The following PCDHA1 variants were observed in gnomAD, a reference collection of about 807,000 sequenced individuals.
PCDHA1 encodes protocadherin alpha-1.
A neutral mutation model predicts 61.3 loss-of-function variants in PCDHA1; 42 were observed. The observed-to-expected ratio is 0.69, with a 90% CI of 0.54 to 0.89. The LOEUF (loss-of-function observed/expected upper bound fraction) is 0.89. Ranked by LOEUF, PCDHA1 falls within the 40% of genes least tolerant of loss-of-function variation. The pLI, the probability that PCDHA1 is intolerant of heterozygous loss-of-function variation, is 0.00. For missense variants in PCDHA1, 1,256 were observed against 1,235.3 expected (o/e 1.02, Z -0.25); for synonymous variants, 610 against 553.8 (o/e 1.10, Z -1.43).
rs1377617778 is a variant in PCDHA1 at position 140,801,248 on chromosome 5, T to A, written c.2394+12564T>A. The A allele has an allele frequency of 5.0e-6, 8 of 1,613,458 alleles. No individual in the cohort carries two copies. The African/African-American group carries it at 1.1e-4, about 22-fold the overall frequency. On this transcript the variant is annotated intron_variant, in intron 1 of 3. Transcript: ENST00000504120. ...CTGGAGCCCAGTGCCTGCTGCTTTC[T>A]CTTCTGCTCCTCGCAGCCTCGGAGG...
At position 141,009,867 on chromosome 5, in the gene PCDHA1, A is replaced by C. The variant is rs374660085; in HGVS notation, c.2783A>C (p.Lys928Thr). 4.3e-6 allele frequency: 7 copies of C among 1,613,976 alleles called. No individual in the cohort carries two copies. The African/African-American group carries it at 9.3e-5, about 22-fold the overall frequency. ...GAGGAGACCAAGAAAAAGAAGAAAA[A>C]GAAGAAGGGTAACAAGACCCAGGAG... Reference protein sequence around the residue: ...KKEETKKKKKKKKGNKTQEKK... With the variant: ...KKEETKKKKKTKKGNKTQEKK... Residue 928 changes from lysine (K) to threonine (T), a missense_variant, in exon 4 of 4, where the codon AAG becomes ACG. Coordinates refer to ENST00000504120, the MANE Select transcript of PCDHA1 (RefSeq NM_018900.4).
chr5:140,906,193 AAGTTGACACTC>A (rs1337204998), intron 1 of PCDHA1, among the ~76,000 whole-genome samples: 4 of 152,140 alleles, frequency 2.6e-5, no homozygotes, highest in African/African-American at 9.7e-5. Context: ...CAATCCAATC[AAGTTGACACTC>A]AGTATTAACC....
At chr5:140,824,414 T>C (rs1768113861) in intron 1 of PCDHA1, 3 of 519,586 alleles carry the variant, frequency 5.8e-6, no homozygotes, top group Admixed American at 7.5e-5. Flanking sequence ...AAGACATAGT[T>C]TGGAGTCATT....
chr5:140,833,369 AT>A (rs1397488143), intron 1 of PCDHA1, among the ~76,000 whole-genome samples: 1 of 152,192 alleles, frequency 6.6e-6, no homozygotes, highest in Non-Finnish European at 1.5e-5. Context: ...AGTAAGGTAG[AT>A]CCAAAAAGGA....
At chr5:140,870,930 A>C (rs373236202) in intron 1 of PCDHA1, 10 of 1,613,732 alleles carry the variant, frequency 6.2e-6, no homozygotes, top group Non-Finnish European at 8.5e-6. Flanking sequence ...TTTCATATGA[A>C]TTGCAGCCGG....
chr5:140,895,515 G>A (rs2065042106), intron 1 of PCDHA1, among the ~76,000 whole-genome samples: 1 of 151,948 alleles, frequency 6.6e-6, no homozygotes, highest in Non-Finnish European at 1.5e-5. Flanking sequence ...ATTTTTAATT[G>A]GTTTATTCGT....
In PCDHA1 at chr5:140,786,398, G is replaced by A. The variant is rs200084118; in HGVS notation, c.108G>A (p.Pro36=). ...GCGGCCAGCTCCACTACTCGATCCC[G>A]GAGGAAGCCAAACACGGCACCTTCG... ...VGSGQLHYSI[P]EEAKHGTFVG... The change falls in exon 1 of 4, where the codon CCG becomes CCA. Residue 36 remains proline (P), a synonymous_variant. Transcript: ENST00000504120. The A allele has an allele frequency of 2.4e-4, 394 of 1,613,462 alleles. 1 individual carries two copies. Among genetic ancestry groups the A allele is most frequent in the Non-Finnish European group, 3.2e-4 (374 of 1,180,046 alleles).
intron 1 of PCDHA1, chr5:140,967,285 G>A (rs150694611): frequency 1.9e-6 from 3 of 1,613,058 alleles, no homozygotes; most frequent in East Asian, 2.2e-5. Context: ...AGAGTGCGCA[G>A]GACCCCGACG....
chr5:140,850,116 G>A, intron 1 of PCDHA1: 1 of 1,596,102 alleles, frequency 6.3e-7, no homozygotes, highest in Non-Finnish European at 8.6e-7. Context: ...GCGCGACGCG[G>A]GCGTGCCGCC....
At chr5:140,900,956 C>G (rs2068392622) in intron 1 of PCDHA1, among the ~76,000 whole-genome samples, 1 of 152,160 alleles carries the variant, frequency 6.6e-6, no homozygotes, top group African/African-American at 2.4e-5. Flanking sequence ...CTCTGATTAT[C>G]AGTGATGTTG....
intron 1 of PCDHA1, among the ~76,000 whole-genome samples, chr5:140,971,815 A>G (rs988959952): frequency 3.2e-4 from 49 of 152,166 alleles, no homozygotes; most frequent in African/African-American, 1.1e-3. Flanking sequence ...TATTGAATAC[A>G]TATATGATTT....
In PCDHA1 at chr5:140,835,864, T is replaced by C. The variant is rs2150246825; in HGVS notation, c.2394+47180T>C. 15 of 1,611,970 alleles carry C rather than the reference T, an allele frequency of 9.3e-6. No homozygotes were observed. The highest frequency in any genetic ancestry group is 1.2e-5 in the Non-Finnish European group (14 of 1,179,634). ...AAGAACGCGCTGGTGTCCTACTCGC[T>C]GGTGGAGCTGCGGGTGGGCGAGCGC... On this transcript the variant is annotated intron_variant, in intron 1 of 3. Transcript: ENST00000504120.
intron 3 of PCDHA1, among the ~76,000 whole-genome samples, chr5:141,000,764 A>G (rs1371396511): frequency 2.0e-5 from 3 of 151,808 alleles, no homozygotes; most frequent in Non-Finnish European, 4.4e-5. Context: ...AATCTTAGCC[A>G]GGCATAGTGG....
chr5:140,869,758 A>AAACC, intron 1 of PCDHA1: 1 of 1,613,288 alleles, frequency 6.2e-7, no homozygotes, highest in Non-Finnish European at 8.5e-7. Context: ...AGACGGGGGA[A>AAACC]AACCAGAGCT....
intron 1 of PCDHA1, chr5:140,808,501 G>A (rs781840544): frequency 1.1e-5 from 18 of 1,614,178 alleles, no homozygotes; most frequent in Middle Eastern, 1.7e-4. Context: ...TGTGGGCCAC[G>A]GCCAGTGTTT....
In PCDHA1 at chr5:140,848,069, G is replaced by A. The variant is rs116084528; in HGVS notation, c.2394+59385G>A. 759 of 162,530 alleles carry A rather than the reference G, an allele frequency of 4.7e-3. 42 individuals are homozygous for A. The highest frequency in any genetic ancestry group is 0.017 in the African/African-American group (710 of 41,160). 10.1% of individuals were successfully genotyped at this position (162,530 alleles called of 1,614,324 possible). A position where few individuals can be genotyped will look rare whatever the true frequency, so the allele number is the denominator to read the frequency against. ...TTTTAATTGTTACTTCATTTCTGTC[G>A]TTATTTAAAACTTAAGTGGAGAGTT... On this transcript the variant is annotated intron_variant, in intron 1 of 3. Transcript: ENST00000504120.
At position 140,788,486 on chromosome 5, in the gene PCDHA1, T is replaced by C; in HGVS notation, c.2196T>C (p.Tyr732=). ...RCSVPPTEGA[Y]VPGKPTLVCS... ...CAGTGCCGCCCACTGAGGGTGCGTA[T>C]GTGCCGGGCAAGCCCACTCTGGTGT... The change falls in exon 1 of 4, where the codon TAT becomes TAC. Residue 732 remains tyrosine, a synonymous_variant. Transcript: ENST00000504120. 2.5e-6 allele frequency: 4 copies of C among 1,614,100 alleles called. No individual in the cohort carries two copies. The highest frequency in any genetic ancestry group is 3.4e-6 in the Non-Finnish European group (4 of 1,179,996).
rs2042521817 is a variant in PCDHA1, at chr5:140,852,899, GTC to G, written c.2394+64216_2394+64217del. 441 of 840,720 alleles carry G rather than the reference GTC, an allele frequency of 5.2e-4. 11 individuals are homozygous for G. In the South Asian group the frequency reaches 0.021, roughly 39 times the overall value. The allele number at this position is 840,720 out of a possible 1,614,324, so 52.1% of individuals were successfully genotyped here. A position where few individuals can be genotyped will look rare whatever the true frequency, so the allele number is the denominator to read the frequency against. On this transcript the variant is annotated intron_variant, in intron 1 of 3. Coordinates refer to ENST00000504120, the MANE Select transcript of PCDHA1 (RefSeq NM_018900.4). ...TCATAAAACGTATTTTTTTTTTTGAGTCAGAGTCTCGCTCTGTTGCCCAGGCT... is the reference window on the plus strand; with the variant it reads ...TCATAAAACGTATTTTTTTTTTTGAGAGAGTCTCGCTCTGTTGCCCAGGCT...
intron 1 of PCDHA1, among the ~76,000 whole-genome samples, chr5:140,895,233 A>G (rs2064923914): frequency 3.3e-5 from 5 of 152,070 alleles, no homozygotes; most frequent in Admixed American, 2.6e-4. Context: ...GAGTTTTCTC[A>G]TCTCTCTTTT....
Sources: gnomAD v4.1 joint callset for allele counts (sites outside exome capture counted in the v4.1 genomes callset) on GRCh38, gnomAD v4.1.1 for gene constraint, MANE v1.5 for transcripts, NCBI Gene and HGNC (gene_info 2026-07-23, HGNC 2026-07-21) for gene names.